Variants in ZBTB21 observed in about 807,000 individuals in gnomAD.
ZBTB21 encodes the protein zinc finger and BTB domain-containing protein 21.
A neutral mutation model predicts 39.8 loss-of-function variants in ZBTB21; 10 were observed. That is an observed-to-expected ratio of 0.25 (90% CI 0.16 to 0.43). The LOEUF (loss-of-function observed/expected upper bound fraction) is 0.43. Among genes scored for constraint, ZBTB21 ranks in the 20% least tolerant of loss-of-function variants. ZBTB21 has a pLI of 1.00. For synonymous variants in ZBTB21, 551 were observed against 498.8 expected (o/e 1.10, Z -1.40); for missense variants, 1,221 against 1,296.3 (o/e 0.94, Z 0.89).
intron 1 of ZBTB21, among the ~76,000 whole-genome samples, chr21:42,008,701 T>C (rs2065915619): frequency 6.6e-6 from 1 of 152,150 alleles, no homozygotes; most frequent in South Asian, 2.1e-4. Flanking sequence ...CAGTGTAAGT[T>C]CCTCGAGGGC....
intron 1 of ZBTB21, among the ~76,000 whole-genome samples, chr21:42,003,961 C>A (rs2065847333): frequency 6.6e-6 from 1 of 151,634 alleles, no homozygotes; most frequent in Admixed American, 6.6e-5. Flanking sequence ...TCAAATTCCT[C>A]AGGTAATAAA....
Position 41,991,395 on chromosome 21 carries a change from C to T in ZBTB21, c.2701G>A (p.Gly901Ser), listed in dbSNP as rs2065651822. The change falls in exon 3 of 3, where the codon GGT (glycine) becomes AGT (serine). Residue 901 changes from glycine to serine, a missense_variant. Physicochemically the swap from Gly to Ser is moderately conservative, Grantham distance 56. This residue lies in a region of ZBTB21 where 523 missense variants were observed against 542.5 expected (regional missense o/e 0.96). Coordinates refer to ENST00000310826, the MANE Select transcript of ZBTB21 (RefSeq NM_001098402.2). This position sits in a 1 kb window ranked among gnomAD's most constrained non-coding sequence, Gnocchi z 4.9. Reference protein sequence around the residue: ...PEASTAPKEAGPSKEASLWPC... With the variant: ...PEASTAPKEASPSKEASLWPC... ...CACAGGCTGGCTTCTTTGCTAGGACCCGCTTCTTTGGGGGCTGTGCTGGCC... is the reference window on the plus strand; with the variant it reads ...CACAGGCTGGCTTCTTTGCTAGGACTCGCTTCTTTGGGGGCTGTGCTGGCC... 6.2e-7 allele frequency: 1 copy of T among 1,607,866 alleles called. No individual in the cohort carries two copies. The highest frequency in any genetic ancestry group is 2.2e-5 in the East Asian group (1 of 44,830).
chr21:41,992,776 G>A lies in ZBTB21; in HGVS notation c.1320C>T (p.Pro440=). Residue 440 remains proline, a synonymous_variant, in exon 3 of 3, where the codon CCC becomes CCT. Transcript: ENST00000310826. The surrounding 1 kb of genome is among the most constrained non-coding windows in gnomAD (Gnocchi z 4.1). ...CCACAGTGACGCGGATGATGTCCGA[G>A]GGGTCCGACAGCGGGCTGCTGGGCT... is the stretch of plus-strand genomic sequence containing the variant. The part of the protein sequence containing the change: ...KTEPSSPLSD[P]SDIIRVTVGD... 3 of 1,614,106 alleles carry A rather than the reference G, an allele frequency of 1.9e-6. No individual in the cohort carries two copies. The highest frequency in any genetic ancestry group is 2.2e-5 in the South Asian group (2 of 91,086).
In ZBTB21 at chr21:41,994,290, G is replaced by A. The variant is rs559073909; in HGVS notation, c.-13-182C>T. ...ATGGTGAAAATGTAAAATAAGTCTC[G>A]TGGTTTAAGTAGGTCCTCATTAAAA... On this transcript the variant is annotated intron_variant, in intron 2 of 2. Coordinates refer to ENST00000310826, the MANE Select transcript of ZBTB21 (RefSeq NM_001098402.2). Among the ~76,000 whole-genome samples the A allele has an allele frequency of 5.9e-5, 9 of 152,238 alleles. No individual in the cohort carries two copies. The South Asian group carries it at 1.0e-3, about 18-fold the overall frequency.
intron 1 of ZBTB21, among the ~76,000 whole-genome samples, chr21:42,007,449 T>A (rs561746618): frequency 4.8e-4 from 73 of 152,314 alleles, no homozygotes; most frequent in African/African-American, 1.7e-3. Context: ...GGACACTACT[T>A]ACCATCTACT....
In ZBTB21 at chr21:41,993,957, C is replaced by T. The variant is rs775749104; in HGVS notation, c.139G>A (p.Val47Ile). The T allele has an allele frequency of 1.3e-5, 21 of 1,614,148 alleles. No individual in the cohort carries two copies. The Middle Eastern group carries it at 4.9e-4, about 38-fold the overall frequency. The change falls in exon 3 of 3, where the codon GTC becomes ATC. Residue 47 changes from valine to isoleucine, a missense_variant. Val to Ile is a conservative substitution (Grantham distance 29). Around this residue, in one of 4 missense-constraint regions of ZBTB21, gnomAD observed 108 missense variants for 155.0 expected, o/e 0.70. Coordinates refer to ENST00000310826, the MANE Select transcript of ZBTB21 (RefSeq NM_001098402.2). ...AAGTATTCGCTGCTGGCAGCCAAGA[C>T]GTTTTTATGAGCTCGGAACTTTTGG... ...GDQKFRAHKN[V>I]LAASSEYFQS...
intron 1 of ZBTB21, among the ~76,000 whole-genome samples, chr21:42,008,540 C>CAAAAAAAAAAAAAAA (rs68176203): frequency 9.9e-5 from 6 of 60,364 alleles, no homozygotes; most frequent in African/African-American, 3.6e-4. Context: ...GAAACTCTGT[C>CAAAAAAAAAAAAAAA]AAAAAAAAAA....
In ZBTB21 at chr21:41,991,108, G is replaced by A. The variant is rs2065645172; in HGVS notation, c.2988C>T (p.Ile996=). The change falls in exon 3 of 3, where the codon ATC becomes ATT. Residue 996 remains isoleucine, a synonymous_variant. Coordinates refer to ENST00000310826, the MANE Select transcript of ZBTB21 (RefSeq NM_001098402.2). This position sits in a 1 kb window ranked among gnomAD's most constrained non-coding sequence, Gnocchi z 4.9. ...TGGGGCTGTCAGGCTCCAGAGGCTG[G>A]ATCTTGGGCAGTGGTGGTGGCGGTG... ...PLPPPPPLPK[I]QPLEPDSPTG... The A allele has an allele frequency of 9.9e-6, 16 of 1,613,418 alleles. No homozygotes were observed. The highest frequency in any genetic ancestry group is 1.4e-5 in the Non-Finnish European group (16 of 1,179,640).
At chr21:42,004,306 G>A (rs2065852590) in intron 1 of ZBTB21, among the ~76,000 whole-genome samples, 1 of 152,072 alleles carries the variant, frequency 6.6e-6, no homozygotes, top group African/African-American at 2.4e-5. Context: ...ATGAGCCACC[G>A]CGCCCGGCCT....
In ZBTB21 at chr21:41,988,020, A is replaced by T. The variant is rs1412479060; in HGVS notation, c.*2875T>A. 3 of 152,238 alleles carry T rather than the reference A, an allele frequency of 2.0e-5. No homozygotes were observed. The highest frequency in any genetic ancestry group is 7.2e-5 in the African/African-American group (3 of 41,454). 9.4% of individuals were successfully genotyped at this position (152,238 alleles called of 1,614,324 possible). On this transcript the variant is annotated 3_prime_UTR_variant, in exon 3 of 3. Transcript: ENST00000310826. ...ACATCACACATCTCCCCACAAATGC[A>T]AAGAACATCACTGTTGAATTGTTAG...
At chr21:42,002,057 GC>G (rs1279842880) in intron 2 of ZBTB21, among the ~76,000 whole-genome samples, 1 of 152,094 alleles carries the variant, frequency 6.6e-6, no homozygotes, top group African/African-American at 2.4e-5. Flanking sequence ...AGGCATGAGC[GC>G]CCTGGGGGCT....
intron 2 of ZBTB21, among the ~76,000 whole-genome samples, chr21:41,999,533 G>A (rs1384831139): frequency 1.3e-5 from 2 of 152,174 alleles, no homozygotes; most frequent in African/African-American, 4.8e-5. Flanking sequence ...ATAAAATAAG[G>A]ATAATACTAG....
At position 41,991,662 on chromosome 21, in the gene ZBTB21, G is replaced by T. The variant is rs763003881; in HGVS notation, c.2434C>A (p.Pro812Thr). The T allele has an allele frequency of 7.4e-6, 12 of 1,614,088 alleles. No individual in the cohort carries two copies. In the East Asian group the frequency reaches 2.5e-4, roughly 33 times the overall value. Residue 812 changes from proline (P) to threonine (T), a missense_variant, in exon 3 of 3, where the codon CCC (proline) becomes ACC (threonine). By Grantham distance (38) the Pro-to-Thr change is conservative. Around this residue, in one of 4 missense-constraint regions of ZBTB21, gnomAD observed 523 missense variants for 542.5 expected, o/e 0.96. Coordinates refer to ENST00000310826, the MANE Select transcript of ZBTB21 (RefSeq NM_001098402.2). This position sits in a 1 kb window ranked among gnomAD's most constrained non-coding sequence, Gnocchi z 4.9. ...ACATCACCATTGTGGTCCAAAACGG[G>T]CAAAGAAAAGTTTTCGGTGGGTGCC... is the stretch of plus-strand genomic sequence containing the variant. ...NMAPTENFSLPVLDHNGDVTG... is the reference protein window; with the variant it reads ...NMAPTENFSLTVLDHNGDVTG...
chr21:42,005,010 G>A (rs1357963144), intron 1 of ZBTB21, among the ~76,000 whole-genome samples: 1 of 152,242 alleles, frequency 6.6e-6, no homozygotes, highest in African/African-American at 2.4e-5. Flanking sequence ...TTCAAGAGGA[G>A]TCATGTTACT....
intron 2 of ZBTB21, among the ~76,000 whole-genome samples, chr21:41,995,978 C>G (rs2065741094): frequency 6.6e-6 from 1 of 152,244 alleles, no homozygotes; most frequent in Non-Finnish European, 1.5e-5. Context: ...TTGGGAACCT[C>G]CGCCTAGATT....
intron 2 of ZBTB21, among the ~76,000 whole-genome samples, chr21:41,997,588 AAC>A (rs1190187396): frequency 9.6e-5 from 13 of 135,054 alleles, no homozygotes; most frequent in African/African-American, 3.4e-4. Context: ...AAAAAAAAAA[AAC>A]AAAAAAACAA....
chr21:41,993,186 C>A lies in ZBTB21; in HGVS notation c.910G>T (p.Asp304Tyr). 6.2e-7 allele frequency: 1 copy of A among 1,613,492 alleles called. No homozygotes were observed. The highest frequency in any genetic ancestry group is 8.5e-7 in the Non-Finnish European group (1 of 1,180,022). The change falls in exon 3 of 3, where the codon GAT becomes TAT. Residue 304 changes from aspartate to tyrosine, a missense_variant. Asp to Tyr is a radical substitution (Grantham distance 160, BLOSUM62 -3). Coordinates refer to ENST00000310826, the MANE Select transcript of ZBTB21 (RefSeq NM_001098402.2). ...ETNKGNGQGE[D>Y]RNLLYYSKLG... ...TTTGAATAGTACAACAAGTTTCTAT[C>A]TTCACCTTGACCATTTCCTTTGTTA...
At position 42,007,321 on chromosome 21, in the gene ZBTB21, T is replaced by A. The variant is rs1336018308; in HGVS notation, c.-79+2931A>T. Among the ~76,000 whole-genome samples the A allele has an allele frequency of 2.6e-5, 4 of 152,356 alleles. No homozygotes were observed. In the East Asian group the frequency reaches 7.7e-4, roughly 29 times the overall value. On this transcript the variant is annotated intron_variant, in intron 1 of 2. Coordinates refer to ENST00000310826, the MANE Select transcript of ZBTB21 (RefSeq NM_001098402.2). Reference sequence around the variant, plus strand: ...TTTTGCTGAAGTAAAGCGTATTACATCACTGCCCTGCTTTGGAGTACTGTA... The same window carrying A: ...TTTTGCTGAAGTAAAGCGTATTACAACACTGCCCTGCTTTGGAGTACTGTA...
chr21:41,993,312 G>T lies in ZBTB21; in HGVS notation c.784C>A (p.Leu262Ile), dbSNP rs776320074. Residue 262 changes from leucine to isoleucine, a missense_variant, in exon 3 of 3, where the codon CTT becomes ATT. Physicochemically the swap from Leu to Ile is conservative, Grantham distance 5 (BLOSUM62 2). Around this residue, in one of 4 missense-constraint regions of ZBTB21, gnomAD observed 500 missense variants for 465.6 expected, o/e 1.07. Transcript: ENST00000310826. ...AGCTCTAGAGCTTTTCCTTTTGGAA[G>T]CTGACCACTCACACCTGGTTTATCA... is the stretch of plus-strand genomic sequence containing the variant. ...MDDKPGVSGQLPKGKALELAL... is the reference protein window; with the variant it reads ...MDDKPGVSGQIPKGKALELAL... The T allele has an allele frequency of 2.5e-6, 4 of 1,613,188 alleles. No homozygotes were observed. The highest frequency in any genetic ancestry group is 3.4e-6 in the Non-Finnish European group (4 of 1,179,956).
Sources: allele counts gnomAD v4.1 joint callset (sites outside exome capture counted in the v4.1 genomes callset), GRCh38; gene constraint gnomAD v4.1.1; regional missense constraint gnomAD v4.1.1; non-coding constraint Gnocchi (gnomAD v3.1); transcripts MANE v1.5; gene names NCBI Gene and HGNC (gene_info 2026-07-23, HGNC 2026-07-21).